Variants in SELP observed in about 807,000 individuals in gnomAD.
The protein encoded by SELP is P-selectin.
A neutral mutation model predicts 104.1 loss-of-function variants in SELP; 92 were observed. The ratio of observed to expected loss-of-function variants is 0.88; its 90% CI spans 0.75 to 1.05. SELP has a LOEUF of 1.05. Among genes scored for constraint, SELP ranks in the 50% least tolerant of loss-of-function variants. SELP has a pLI of 0.00. For missense variants in SELP, 1,022 were observed against 1,017.3 expected, an observed-to-expected ratio of 1.00 and a Z score of -0.06; for synonymous variants, 397 against 364.5, an observed-to-expected ratio of 1.09 and a Z score of -1.01.
At chr1:169,629,608 A>G (rs572993892) in intron 1 of SELP, among the ~76,000 whole-genome samples, 2 of 152,334 alleles carry the variant, frequency 1.3e-5, no homozygotes, top group South Asian at 4.1e-4. Context: ...AAACTATTCA[A>G]TTGTAAGCTT....
intron 12 of SELP, 130 bp downstream of exon 12, chr1:169,595,795 G>T: frequency 1.3e-6 from 1 of 763,178 alleles, no homozygotes; most frequent in Admixed American, 2.0e-5. Context: ...GATTGGTGTG[G>T]ATTTCATAAG....
Position 169,613,004 on chromosome 1 carries a change from A to T in SELP, c.700T>A (p.Tyr234Asn). 1.2e-6 allele frequency: 2 copies of T among 1,613,892 alleles called. No homozygotes were observed. ...SQCSFHCTDG[Y>N]QVNGPSKLEC... ...AGCTTGCTGGGCCCATTTACTTGGT[A>T]CCCGTCAGTGCAGTGGAAGCTGCAC... The change falls in exon 5 of 17, where the codon TAC becomes AAC. Residue 234 changes from tyrosine to asparagine, a missense_variant. Transcript: ENST00000263686.
intron 3 of SELP, among the ~76,000 whole-genome samples, 193 bp from the exon 4 acceptor site, chr1:169,613,886 G>C (rs1006815204): frequency 6.6e-6 from 1 of 152,200 alleles, no homozygotes; most frequent in African/African-American, 2.4e-5. Flanking sequence ...GGAGTATTGC[G>C]TGGCTCCCAT....
intron 8 of SELP, among the ~76,000 whole-genome samples, chr1:169,608,377 C>A (rs1055599419): frequency 6.6e-6 from 1 of 152,038 alleles, no homozygotes; most frequent in Non-Finnish European, 1.5e-5. Context: ...CCTCTTCCGC[C>A]GAGCCCTTGG....
In SELP at chr1:169,594,895, T is replaced by C. The variant is rs1361649596; in HGVS notation, c.2102-18A>G. 1.2e-6 allele frequency: 2 copies of C among 1,601,740 alleles called. No individual in the cohort carries two copies. The highest frequency in any genetic ancestry group is 1.7e-5 in the Admixed American group (1 of 59,206). ...TTTCACAGCTGCAGAAAAGAAATAA[T>C]GCAAGAGAAACAACATGTGGATTGG... is the stretch of plus-strand genomic sequence containing the variant. On this transcript the variant is annotated intron_variant, in intron 12 of 16. Transcript: ENST00000263686.
intron 14 of SELP, among the ~76,000 whole-genome samples, chr1:169,591,751 T>G (rs531444270): frequency 6.6e-6 from 1 of 152,222 alleles, no homozygotes; most frequent in Non-Finnish European, 1.5e-5. Context: ...CCCTCAGCCC[T>G]TAGCTGAGCA....
chr1:169,605,376 C>T (rs1056095776), intron 9 of SELP, among the ~76,000 whole-genome samples: 1 of 152,032 alleles, frequency 6.6e-6, no homozygotes, highest in African/African-American at 2.4e-5. Context: ...TGGTGCCTGG[C>T]GATGAAGGAC....
intron 15 of SELP, among the ~76,000 whole-genome samples, chr1:169,591,097 T>C (rs1661334912): frequency 1.3e-5 from 2 of 152,088 alleles, no homozygotes; most frequent in South Asian, 4.1e-4. Context: ...AATACAACAT[T>C]CCCCCATCAG....
rs3917837 is a variant in SELP, at chr1:169,591,917, A to G, written c.2408-461T>C. 2.7e-3 allele frequency among the ~76,000 whole-genome samples: 407 copies of G among 152,326 alleles called. 2 individuals are homozygous for G. The highest frequency in any genetic ancestry group is 4.4e-3 in the Non-Finnish European group (300 of 68,028). On this transcript the variant is annotated intron_variant, in intron 14 of 16. Transcript: ENST00000263686. ...TTGGCCATAGAAAACTTCAAAGCCTAAAATCAAATTGGGAGAAGCTGAGGA... is the reference window on the plus strand; with the variant it reads ...TTGGCCATAGAAAACTTCAAAGCCTGAAATCAAATTGGGAGAAGCTGAGGA...
At chr1:169,618,725 GC>G (rs1379129747) in intron 2 of SELP, among the ~76,000 whole-genome samples, 1 of 152,124 alleles carries the variant, frequency 6.6e-6, no homozygotes, top group Non-Finnish European at 1.5e-5. Flanking sequence ...AGGCAACTTT[GC>G]CTATGTAGGC....
chr1:169,627,799 G>A (rs907429250), intron 1 of SELP, among the ~76,000 whole-genome samples: 3 of 152,194 alleles, frequency 2.0e-5, no homozygotes, highest in Non-Finnish European at 2.9e-5. Flanking sequence ...TTGAAAAACA[G>A]GTAATGAAAA....
intron 14 of SELP, among the ~76,000 whole-genome samples, chr1:169,592,437 T>C (rs1038203361): frequency 1.3e-5 from 2 of 152,208 alleles, no homozygotes; most frequent in African/African-American, 4.8e-5. Flanking sequence ...TATTTTAACA[T>C]AGCCACTTTC....
At chr1:169,606,266 G>A (rs542172020) in intron 9 of SELP, among the ~76,000 whole-genome samples, 13 of 152,282 alleles carry the variant, frequency 8.5e-5, no homozygotes, top group East Asian at 3.9e-4. Context: ...GCAGTGGGCC[G>A]AGATTGTGCC....
At chr1:169,611,976 T>C (rs1266596146) in intron 6 of SELP, among the ~76,000 whole-genome samples, 1 of 152,134 alleles carries the variant, frequency 6.6e-6, no homozygotes, top group East Asian at 1.9e-4. Context: ...CCCTTTCTAA[T>C]CTTATGGGGA....
At chr1:169,598,737 AC>A (rs1661752567) in intron 10 of SELP, among the ~76,000 whole-genome samples, 1 of 152,190 alleles carries the variant, frequency 6.6e-6, no homozygotes, top group South Asian at 2.1e-4. Flanking sequence ...GAAAGCAGGG[AC>A]CTTGTCAGTT....
rs151311449 is a variant in SELP, at chr1:169,592,540, C to A, written c.2407+1065G>T. On this transcript the variant is annotated intron_variant, in intron 14 of 16. Coordinates refer to ENST00000263686, the MANE Select transcript of SELP (RefSeq NM_003005.4). ...AAGAAGAGCCCCATTAGGTTATAAA[C>A]AAAACTTTATGAACTTATAGGCAGG... 1.6e-3 allele frequency among the ~76,000 whole-genome samples: 236 copies of A among 152,248 alleles called. 2 individuals are homozygous for A. The highest frequency in any genetic ancestry group is 5.6e-3 in the African/African-American group (233 of 41,538).
chr1:169,594,654 A>G, intron 13 of SELP, 38 bp downstream of exon 13: 3 of 1,586,348 alleles, frequency 1.9e-6, no homozygotes, highest in Non-Finnish European at 2.6e-6. Flanking sequence ...GTTATTTTCC[A>G]CATCAAAGTG....
In SELP at chr1:169,613,664, G is replaced by C. The variant is rs201340968; in HGVS notation, c.511C>G (p.Gln171Glu). ...CCGATGGTCTCGAGGCACTCTCCTT[G>C]TTTGCTGCAGGACATGTCCTGGCAG... ...ASCQDMSCSKQGECLETIGNY... is the reference protein window; with the variant it reads ...ASCQDMSCSKEGECLETIGNY... Residue 171 changes from glutamine (Q) to glutamate (E), a missense_variant, in exon 4 of 17, where the codon CAA becomes GAA. By Grantham distance (29) the Gln-to-Glu change is conservative. Transcript: ENST00000263686. The C allele has an allele frequency of 3.1e-6, 5 of 1,613,796 alleles. No individual in the cohort carries two copies. The Admixed American group carries it at 6.7e-5, about 22-fold the overall frequency.
At chr1:169,591,480 A>C in intron 14 of SELP, 24 bp from the exon 15 acceptor site, 1 of 1,510,622 alleles carries the variant, frequency 6.6e-7, no homozygotes, top group Non-Finnish European at 9.0e-7. Context: ...GAAGACAAGA[A>C]TGAATGATTA....
Sources: gnomAD v4.1 joint callset for allele counts (sites outside exome capture counted in the v4.1 genomes callset) on GRCh38, gnomAD v4.1.1 for gene constraint, MANE v1.5 for transcripts, NCBI Gene and HGNC (gene_info 2026-07-23, HGNC 2026-07-21) for gene names.